TMEM108: variants seen among roughly 807,000 people sequenced by gnomAD.
TMEM108 encodes cancer/testis antigen 124.
A neutral mutation model predicts 35.1 loss-of-function variants in TMEM108; 12 were observed. The ratio of observed to expected loss-of-function variants is 0.34; its 90% confidence interval spans 0.22 to 0.55. TMEM108 has a LOEUF of 0.55. TMEM108 is among the 20% of genes least tolerant of loss of function. The probability of loss-of-function intolerance (pLI) is 0.89; values close to 1 mark genes in which losing one functional copy is unlikely to be tolerated. For missense variants in TMEM108, 680 were observed against 753.3 expected (o/e 0.90, Z 1.14); for synonymous variants, 287 against 308.6 (o/e 0.93, Z 0.73).
chr3:133,122,603 C>T (rs1183962101), intron 2 of TMEM108, among the ~76,000 whole-genome samples: 7 of 152,110 alleles, frequency 4.6e-5, no homozygotes, highest in Non-Finnish European at 8.8e-5. Flanking sequence ...CGGTGGCTCA[C>T]GCCTGTAATC....
intron 2 of TMEM108, among the ~76,000 whole-genome samples, chr3:133,183,983 G>C (rs898287392): frequency 4.6e-5 from 7 of 152,172 alleles, no homozygotes; most frequent in Admixed American, 6.5e-5. Context: ...AAGGGCACAT[G>C]ATGATAAGGG....
At chr3:133,050,680 C>T (rs1943393843) in intron 2 of TMEM108, among the ~76,000 whole-genome samples, 1 of 151,804 alleles carries the variant, frequency 6.6e-6, no homozygotes. Context: ...CACCCCTTTG[C>T]CCTTCACTAA....
intron 2 of TMEM108, among the ~76,000 whole-genome samples, chr3:133,095,736 C>T (rs13085925): frequency 0.25 from 37,798 of 151,924 alleles, 4,920 homozygotes; most frequent in Admixed American, 0.34. Context: ...ATCCGACAGG[C>T]GGTGGAGCTC....
intron 3 of TMEM108, among the ~76,000 whole-genome samples, chr3:133,298,840 T>A (rs1307004682): frequency 2.0e-5 from 3 of 152,164 alleles, no homozygotes; most frequent in Admixed American, 2.0e-4. Context: ...CTGTTTAATA[T>A]TTAAACTGCT....
At chr3:133,177,114 AGG>A (rs1945244269) in intron 2 of TMEM108, among the ~76,000 whole-genome samples, 1 of 152,236 alleles carries the variant, frequency 6.6e-6, no homozygotes, top group East Asian at 1.9e-4. Flanking sequence ...AGACTAAACC[AGG>A]AAGAAGTTGA....
intron 2 of TMEM108, among the ~76,000 whole-genome samples, chr3:133,174,544 G>A (rs556367118): frequency 7.2e-5 from 11 of 152,314 alleles, no homozygotes; most frequent in South Asian, 4.1e-4. Context: ...TGCAGCCTCC[G>A]CTGCTGATAC....
chr3:133,100,285 C>G (rs947811631), intron 2 of TMEM108, among the ~76,000 whole-genome samples: 3 of 152,304 alleles, frequency 2.0e-5, no homozygotes, highest in African/African-American at 7.2e-5. Context: ...TCTGGAGATA[C>G]AACTATAGTT....
At chr3:133,365,000 C>T (rs534711925) in intron 3 of TMEM108, among the ~76,000 whole-genome samples, 20 of 152,266 alleles carry the variant, frequency 1.3e-4, no homozygotes, top group African/African-American at 4.1e-4. Flanking sequence ...CAAGGCAGCT[C>T]TTTTAAGGCA....
intron 3 of TMEM108, among the ~76,000 whole-genome samples, chr3:133,305,540 G>A (rs201158188): frequency 5.0e-5 from 7 of 141,008 alleles, no homozygotes; most frequent in African/African-American, 1.2e-4. Flanking sequence ...ATAAATAAAA[G>A]AAAGATGCCT....
At chr3:133,183,807 T>A (rs1376684801) in intron 2 of TMEM108, among the ~76,000 whole-genome samples, 1 of 152,126 alleles carries the variant, frequency 6.6e-6, no homozygotes, top group Non-Finnish European at 1.5e-5. Flanking sequence ...AGCAGCATCA[T>A]AACAGATGTT....
chr3:133,140,390 A>G (rs1396920873), intron 2 of TMEM108, among the ~76,000 whole-genome samples: 2 of 152,186 alleles, frequency 1.3e-5, no homozygotes, highest in Admixed American at 6.6e-5. Flanking sequence ...TCAGCTATGT[A>G]TATTCCTTGA....
At chr3:133,328,193 A>G (rs2071354129) in intron 3 of TMEM108, among the ~76,000 whole-genome samples, 1 of 152,184 alleles carries the variant, frequency 6.6e-6, no homozygotes, top group Admixed American at 6.5e-5. Context: ...ATCATTTTAA[A>G]TGTTGTATCC....
chr3:133,337,621 C>A (rs747634899), intron 3 of TMEM108, among the ~76,000 whole-genome samples: 4 of 152,042 alleles, frequency 2.6e-5, no homozygotes, highest in Non-Finnish European at 5.9e-5. Flanking sequence ...CAATAAATAC[C>A]TAATTCTTTA....
At chr3:133,039,094 AT>A (rs541257449) in intron 1 of TMEM108, among the ~76,000 whole-genome samples, 5,908 of 147,374 alleles carry the variant, frequency 0.04, 176 homozygotes, top group Admixed American at 0.079. Context: ...TTCAGGGGCT[AT>A]TTTTTTTTTT....
At position 133,214,732 on chromosome 3, in the gene TMEM108, G is replaced by A. The variant is rs150863491; in HGVS notation, c.-46-14534G>A. Among the ~76,000 whole-genome samples, 263 of 152,270 alleles carry A rather than the reference G, an allele frequency of 1.7e-3. 5 individuals are homozygous for A. Among genetic ancestry groups the A allele is most frequent in the Non-Finnish European group, 4.1e-4 (28 of 68,010 alleles). ...TCCATGGCCTGTTAGGAACCAGGAT[G>A]CATTAGCAGGAGGTGAGCTGCAGGT... On this transcript the variant is annotated intron_variant, in intron 2 of 5. Transcript: ENST00000321871.
At chr3:133,337,916 TGAAGAATG>T (rs1367719572) in intron 3 of TMEM108, among the ~76,000 whole-genome samples, 23 of 152,222 alleles carry the variant, frequency 1.5e-4, no homozygotes, top group African/African-American at 5.5e-4. Flanking sequence ...ATTGACATGC[TGAAGAATG>T]TATCAGGGTC....
chr3:133,334,979 T>G (rs534704872), intron 3 of TMEM108, among the ~76,000 whole-genome samples: 1 of 152,234 alleles, frequency 6.6e-6, no homozygotes, highest in Non-Finnish European at 1.5e-5. Context: ...GATAAATTTC[T>G]TATTTTACAT....
At chr3:133,385,801 A>C (rs2073133353) in intron 4 of TMEM108, among the ~76,000 whole-genome samples, 1 of 152,248 alleles carries the variant, frequency 6.6e-6, no homozygotes, top group African/African-American at 2.4e-5. Context: ...GACTTACACA[A>C]GTAACTTCAT....
intron 2 of TMEM108, among the ~76,000 whole-genome samples, chr3:133,086,794 C>A (rs1165385102): frequency 6.6e-6 from 1 of 152,202 alleles, no homozygotes; most frequent in African/African-American, 2.4e-5. Context: ...AGGTAGAGCT[C>A]TTTGTCCACT....
Sources: gnomAD v4.1 joint callset for allele counts (sites outside exome capture counted in the v4.1 genomes callset) on GRCh38, gnomAD v4.1.1 for gene constraint, MANE v1.5 for transcripts, NCBI Gene and HGNC (gene_info 2026-07-23, HGNC 2026-07-21) for gene names.